The following SLC40A1 variants were observed in gnomAD, a reference collection of about 807,000 sequenced individuals.
The protein encoded by SLC40A1 is ferroportin.
In SLC40A1, 16 loss-of-function variants were observed where a neutral mutation model predicts 53.5. The observed-to-expected ratio is 0.30, with a 90% CI of 0.20 to 0.45. The LOEUF (loss-of-function observed/expected upper bound fraction) is 0.45, where lower values mean the gene tolerates loss of function less well. SLC40A1 is among the 20% of genes least tolerant of loss of function. The probability of loss-of-function intolerance (pLI) is 1.00; values close to 1 mark genes in which losing one functional copy is unlikely to be tolerated. For missense variants in SLC40A1, 545 were observed against 695.4 expected (o/e 0.78, Z 2.43); for synonymous variants, 247 against 253.2 (o/e 0.98, Z 0.23).
Position 189,565,529 on chromosome 2 carries a change from A to C in SLC40A1, c.585T>G (p.Ile195Met). The change falls in exon 6 of 8, where the codon ATT (isoleucine) becomes ATG (methionine). Residue 195 changes from isoleucine to methionine, a missense_variant. Around this residue, in one of 4 missense-constraint regions of SLC40A1, gnomAD observed 197 missense variants for 278.8 expected, o/e 0.71. Coordinates refer to ENST00000261024, the MANE Select transcript of SLC40A1 (RefSeq NM_014585.6). Reference sequence around the variant, plus strand: ...CGATGACTGGGGAGCCAAATGTCATAATCTGGCCAACAGCCATGGGGGCTA... The same window carrying C: ...CGATGACTGGGGAGCCAAATGTCATCATCTGGCCAACAGCCATGGGGGCTA... ...NILAPMAVGQIMTFGSPVIGC... is the reference protein window; with the variant it reads ...NILAPMAVGQMMTFGSPVIGC... The C allele has an allele frequency of 6.2e-7, 1 of 1,614,200 alleles. No individual in the cohort carries two copies. Among genetic ancestry groups the C allele is most frequent in the Non-Finnish European group, 8.5e-7 (1 of 1,180,024 alleles).
chr2:189,573,060 C>T, intron 3 of SLC40A1, 99 bp from the exon 4 acceptor site: 1 of 858,174 alleles, frequency 1.2e-6, no homozygotes, highest in South Asian at 1.4e-5. Context: ...CATTAATACA[C>T]AGACCTAATT....
At chr2:189,567,382 CA>C (rs1032629678) in intron 5 of SLC40A1, among the ~76,000 whole-genome samples, 5 of 152,158 alleles carry the variant, frequency 3.3e-5, no homozygotes, top group African/African-American at 1.2e-4. Flanking sequence ...AAATGTCCAA[CA>C]CAAAGAAATG....
At chr2:189,564,980 C>A (rs915086987) in intron 6 of SLC40A1, among the ~76,000 whole-genome samples, 2 of 152,230 alleles carry the variant, frequency 1.3e-5, no homozygotes, top group Non-Finnish European at 2.9e-5. Flanking sequence ...CACTGTCCTA[C>A]AAATGACTAC....
At chr2:189,577,347 G>T (rs2031319761) in intron 2 of SLC40A1, among the ~76,000 whole-genome samples, 1 of 152,142 alleles carries the variant, frequency 6.6e-6, no homozygotes, top group South Asian at 2.1e-4. Flanking sequence ...TCTAGCACAG[G>T]GCACGTGCTG....
At chr2:189,571,987 T>C (rs192157609) in intron 4 of SLC40A1, 146 bp from the exon 5 acceptor site, 49 of 669,200 alleles carry the variant, frequency 7.3e-5, no homozygotes, top group Admixed American at 3.3e-4. Context: ...TTTTACGTTA[T>C]AGATATGAAA....
chr2:189,580,698 A>C lies in SLC40A1; in HGVS notation c.-238T>G. ...CACTGTAGCTGAAGTTGGAAAGGCA[A>C]AGCCTTATGGAAGCGGTTTGGGAGG... On this transcript the variant is annotated 5_prime_UTR_variant, in exon 1 of 8. Coordinates refer to ENST00000261024, the MANE Select transcript of SLC40A1 (RefSeq NM_014585.6). 1.4e-6 allele frequency: 2 copies of C among 1,452,386 alleles called. No individual in the cohort carries two copies. The highest frequency in any genetic ancestry group is 1.8e-6 in the Non-Finnish European group (2 of 1,103,730). The allele number at this position is 1,452,386 out of a possible 1,614,324, so 90.0% of individuals were successfully genotyped here.
Position 189,571,848 on chromosome 2 carries a change from A to T in SLC40A1, c.388-7T>A, listed in dbSNP as rs775240683. The T allele has an allele frequency of 1.3e-6, 2 of 1,586,324 alleles. No individual in the cohort carries two copies. Among genetic ancestry groups the T allele is most frequent in the Non-Finnish European group, 1.7e-6 (2 of 1,154,894 alleles). Reference sequence around the variant, plus strand: ...TCAGGATATAGCAGGAAGTCTAAAGAATGACAAGAAAAAAATGAGTTATAA... The same window carrying T: ...TCAGGATATAGCAGGAAGTCTAAAGTATGACAAGAAAAAAATGAGTTATAA... On this transcript the variant is annotated splice_polypyrimidine_tract_variant and splice_region_variant and intron_variant, in intron 4 of 7. Transcript: ENST00000261024.
Position 189,563,568 on chromosome 2 carries a change from A to C in SLC40A1, c.1402+16T>G, listed in dbSNP as rs781667903. 3 of 1,610,482 alleles carry C rather than the reference A, an allele frequency of 1.9e-6. No individual in the cohort carries two copies. Among genetic ancestry groups the C allele is most frequent in the Non-Finnish European group, 2.5e-6 (3 of 1,177,832 alleles). On this transcript the variant is annotated intron_variant, in intron 7 of 7. Coordinates refer to ENST00000261024, the MANE Select transcript of SLC40A1 (RefSeq NM_014585.6). ...AGACACTTTAGTTCATTAATATATA[A>C]AAAGAGATTTCTTACCGATTCTAGC...
In SLC40A1 at chr2:189,579,876, G is replaced by A; in HGVS notation, c.48C>T (p.Ser16=). ...DHNRQRGCCG[S]LADYLTSAKF... Reference sequence around the variant, plus strand: ...TTGCAGAGGTCAGGTAGTCGGCCAAGGATCCTGCAAAGACACAGGCGGGGT... The same window carrying A: ...TTGCAGAGGTCAGGTAGTCGGCCAAAGATCCTGCAAAGACACAGGCGGGGT... Residue 16 remains serine (S), a synonymous_variant, in exon 2 of 8, where the codon TCC becomes TCT. Transcript: ENST00000261024. 6.2e-7 allele frequency: 1 copy of A among 1,614,156 alleles called. No homozygotes were observed. The highest frequency in any genetic ancestry group is 8.5e-7 in the Non-Finnish European group (1 of 1,180,028).
intron 3 of SLC40A1, among the ~76,000 whole-genome samples, chr2:189,573,986 T>C (rs757949830): frequency 6.6e-6 from 1 of 152,164 alleles, no homozygotes; most frequent in African/African-American, 2.4e-5. Flanking sequence ...AGAAAAGATA[T>C]GTGAACAGAT....
Position 189,563,973 on chromosome 2 carries a change from C to T in SLC40A1, c.1013G>A (p.Ser338Asn), listed in dbSNP as rs2030844757. Residue 338 changes from serine (S) to asparagine (N), a missense_variant, in exon 7 of 8, where the codon AGT becomes AAT. Ser to Asn is a conservative substitution (Grantham distance 46, BLOSUM62 1). Around this residue, in one of 4 missense-constraint regions of SLC40A1, gnomAD observed 234 missense variants for 299.0 expected, o/e 0.78. Coordinates refer to ENST00000261024, the MANE Select transcript of SLC40A1 (RefSeq NM_014585.6). Reference sequence around the variant, plus strand: ...CATCAAAATACTGAGGATGGAACCACTCAGTCCCTGAGTGTAGGCGTACCC... The same window carrying T: ...CATCAAAATACTGAGGATGGAACCATTCAGTCCCTGAGTGTAGGCGTACCC... Reference protein sequence around the residue: ...TTGYAYTQGLSGSILSILMGA... With the variant: ...TTGYAYTQGLNGSILSILMGA... 6.2e-7 allele frequency: 1 copy of T among 1,614,134 alleles called. No homozygotes were observed. Among genetic ancestry groups the T allele is most frequent in the Non-Finnish European group, 8.5e-7 (1 of 1,179,998 alleles).
At chr2:189,574,001 A>G (rs931143146) in intron 3 of SLC40A1, among the ~76,000 whole-genome samples, 2 of 152,214 alleles carry the variant, frequency 1.3e-5, no homozygotes, top group African/African-American at 4.8e-5. Flanking sequence ...ACAGATCATT[A>G]TATCTGTGTA....
chr2:189,573,130 A>G (rs912010941), intron 3 of SLC40A1, among the ~76,000 whole-genome samples, 169 bp from the exon 4 acceptor site: 1 of 152,230 alleles, frequency 6.6e-6, no homozygotes, highest in East Asian at 1.9e-4. Flanking sequence ...CTCTCAATAC[A>G]ACCCAGAGGA....
intron 2 of SLC40A1, among the ~76,000 whole-genome samples, chr2:189,575,707 T>C (rs1423670882): frequency 6.6e-6 from 1 of 152,230 alleles, no homozygotes; most frequent in African/African-American, 2.4e-5. Context: ...TAGTTTGCTA[T>C]TGAACCAGAA....
chr2:189,563,823 A>G lies in SLC40A1; in HGVS notation c.1163T>C (p.Val388Ala). 6.2e-7 allele frequency: 1 copy of G among 1,614,228 alleles called. No individual in the cohort carries two copies. Among genetic ancestry groups the G allele is most frequent in the East Asian group, 2.2e-5 (1 of 44,878 alleles). The change falls in exon 7 of 8, where the codon GTG becomes GCG. Residue 388 changes from valine (V) to alanine (A), a missense_variant. Around this residue, in one of 4 missense-constraint regions of SLC40A1, gnomAD observed 234 missense variants for 299.0 expected, o/e 0.78. Coordinates refer to ENST00000261024, the MANE Select transcript of SLC40A1 (RefSeq NM_014585.6). Reference sequence around the variant, plus strand: ...GCTTCCAGGCATGAATACAGAGATCACACACAAGATCAAACAGGAAAGCTG... The same window carrying G: ...GCTTCCAGGCATGAATACAGAGATCGCACACAAGATCAAACAGGAAAGCTG... ...LAQLSCLILC[V>A]ISVFMPGSPL... is the part of the protein sequence containing the mutation.
intron 5 of SLC40A1, among the ~76,000 whole-genome samples, chr2:189,567,359 G>A (rs959841569): frequency 1.3e-5 from 2 of 152,170 alleles, no homozygotes; most frequent in Non-Finnish European, 2.9e-5. Context: ...AATCAATAAA[G>A]AGGAAGTTAA....
At chr2:189,574,997 G>C (rs1011315978) in intron 3 of SLC40A1, among the ~76,000 whole-genome samples, 164 bp downstream of exon 3, 3 of 152,206 alleles carry the variant, frequency 2.0e-5, no homozygotes, top group African/African-American at 7.2e-5. Context: ...GGAGCCATGG[G>C]ACCCTCCATC....
intron 7 of SLC40A1, 123 bp downstream of exon 7, chr2:189,563,461 A>T: frequency 2.6e-6 from 2 of 761,528 alleles, no homozygotes; most frequent in Non-Finnish European, 4.1e-6. Flanking sequence ...AAAATTTCGT[A>T]AGAGTGGATT....
chr2:189,565,490 A>G lies in SLC40A1; in HGVS notation c.624T>C (p.Ile208=). 6.2e-7 allele frequency: 1 copy of G among 1,614,226 alleles called. No homozygotes were observed. The highest frequency in any genetic ancestry group is 8.5e-7 in the Non-Finnish European group (1 of 1,180,038). The change falls in exon 6 of 8, where the codon ATT becomes ATC. Residue 208 remains isoleucine (I), a synonymous_variant. Coordinates refer to ENST00000261024, the MANE Select transcript of SLC40A1 (RefSeq NM_014585.6). Reference sequence around the variant, plus strand: ...ACATGGATACCAAGTTCCATCCCGAAATAAAGCCACAGCCGATGACTGGGG... The same window carrying G: ...ACATGGATACCAAGTTCCATCCCGAGATAAAGCCACAGCCGATGACTGGGG... ...FGSPVIGCGF[I]SGWNLVSMCV...
Sources: gnomAD v4.1 joint callset for allele counts (sites outside exome capture counted in the v4.1 genomes callset) on GRCh38, gnomAD v4.1.1 for gene constraint, gnomAD v4.1.1 regional missense constraint, MANE v1.5 for transcripts, NCBI Gene and HGNC (gene_info 2026-07-23, HGNC 2026-07-21) for gene names.